Variants in POU2F1 observed in about 807,000 individuals in gnomAD.
POU2F1 encodes POU domain, class 2, transcription factor 1.
Under a neutral mutation model 84.9 loss-of-function variants are expected in POU2F1, and 16 were observed. That is an observed-to-expected ratio of 0.19 (90% CI 0.13 to 0.29). The LOEUF (loss-of-function observed/expected upper bound fraction) is 0.29. Among genes scored for constraint, POU2F1 ranks in the 10% least tolerant of loss-of-function variants. The probability of loss-of-function intolerance (pLI) is 1.00; values close to 1 mark genes in which losing one functional copy is unlikely to be tolerated. For missense variants in POU2F1, 738 were observed against 942.6 expected (o/e 0.78, Z 2.84); for synonymous variants, 368 against 368.3 (o/e 1.00, Z 0.01).
In POU2F1 at chr1:167,396,372, C is replaced by A. The variant is rs756705341; in HGVS notation, c.1074C>A (p.Ser358Arg). ...TISRFEALNL[S>R]FKNMCKLKPL... Reference sequence around the variant, plus strand: ...CTCGATTTGAAGCCTTGAACCTCAGCTTTAAGAACATGTGCAAGTTGAAGC... The same window carrying A: ...CTCGATTTGAAGCCTTGAACCTCAGATTTAAGAACATGTGCAAGTTGAAGC... The change falls in exon 10 of 16, where the codon AGC becomes AGA. Residue 358 changes from serine (S) to arginine (R), a missense_variant. Physicochemically the swap from Ser to Arg is moderately radical, Grantham distance 110. This residue lies in a region of POU2F1 where 95 missense variants were observed against 195.1 expected (regional missense o/e 0.49). Coordinates refer to ENST00000367866, the MANE Select transcript of POU2F1 (RefSeq NM_002697.4). 6.2e-7 allele frequency: 1 copy of A among 1,614,024 alleles called. No homozygotes were observed. Among genetic ancestry groups the A allele is most frequent in the Non-Finnish European group, 8.5e-7 (1 of 1,179,918 alleles).
Position 167,418,057 on chromosome 1 carries a change from A to G in POU2F1, c.*2247A>G, listed in dbSNP as rs1239060544. 6.6e-6 allele frequency: 1 copy of G among 152,002 alleles called. No individual in the cohort carries two copies. Among genetic ancestry groups the G allele is most frequent in the East Asian group, 1.9e-4 (1 of 5,178 alleles). 9.4% of individuals were successfully genotyped at this position (152,002 alleles called of 1,614,324 possible). A position where few individuals can be genotyped will look rare whatever the true frequency, so the allele number is the denominator to read the frequency against. ...CCCTTTTTGTGTGGTGTGTTTTTTT[A>G]TGTTTTGTTTTGTTTTTTAACTAAG... is the stretch of plus-strand genomic sequence containing the variant. On this transcript the variant is annotated 3_prime_UTR_variant, in exon 16 of 16. Coordinates refer to ENST00000367866, the MANE Select transcript of POU2F1 (RefSeq NM_002697.4).
chr1:167,413,224 G>C lies in POU2F1; in HGVS notation c.1990+110G>C, dbSNP rs74815204. Reference sequence around the variant, plus strand: ...GAGATAGAGGAAGTCTGCTTTGCTAGAGGTAAAAGTGATGGGAAAGAGTCA... The same window carrying C: ...GAGATAGAGGAAGTCTGCTTTGCTACAGGTAAAAGTGATGGGAAAGAGTCA... On this transcript the variant is annotated intron_variant, in intron 15 of 15. Coordinates refer to ENST00000367866, the MANE Select transcript of POU2F1 (RefSeq NM_002697.4). 7.8e-4 allele frequency: 757 copies of C among 970,896 alleles called. 1 individual carries two copies. In the African/African-American group the frequency reaches 0.011, roughly 14 times the overall value. The allele number at this position is 970,896 out of a possible 1,614,324, so 60.1% of individuals were successfully genotyped here. A position where few individuals can be genotyped will look rare whatever the true frequency, so the allele number is the denominator to read the frequency against.
rs1225482956 is a variant in POU2F1 at position 167,386,095 on chromosome 1, A to G, written c.813+2144A>G. On this transcript the variant is annotated intron_variant, in intron 8 of 15. Coordinates refer to ENST00000367866, the MANE Select transcript of POU2F1 (RefSeq NM_002697.4). ...AATTTAAAAGGCTATGACAAAACCAAGTGTTGGCAAGAAGGTAAAGCGACT... is the reference window on the plus strand; with the variant it reads ...AATTTAAAAGGCTATGACAAAACCAGGTGTTGGCAAGAAGGTAAAGCGACT... Among the ~76,000 whole-genome samples, 3 of 152,256 alleles carry G rather than the reference A, an allele frequency of 2.0e-5. No homozygotes were observed. The East Asian group carries it at 5.8e-4, about 29-fold the overall frequency.
chr1:167,335,507 A>T (rs1657387740), intron 2 of POU2F1, among the ~76,000 whole-genome samples: 1 of 152,184 alleles, frequency 6.6e-6, no homozygotes, highest in Non-Finnish European at 1.5e-5. Context: ...AACATGAAAA[A>T]GACTACCCCA....
intron 1 of POU2F1, among the ~76,000 whole-genome samples, chr1:167,266,609 G>A (rs968676502): frequency 1.3e-5 from 2 of 151,408 alleles, no homozygotes; most frequent in African/African-American, 4.9e-5. Context: ...GGCACAATTT[G>A]GTAATACTAT....
At chr1:167,229,202 T>G (rs1295304580) in intron 1 of POU2F1, among the ~76,000 whole-genome samples, 1 of 151,908 alleles carries the variant, frequency 6.6e-6, no homozygotes, top group East Asian at 1.9e-4. Context: ...GACAGTGCCA[T>G]GATCAGAGCC....
intron 1 of POU2F1, among the ~76,000 whole-genome samples, chr1:167,289,837 GT>G (rs552648880): frequency 6.6e-6 from 1 of 152,034 alleles, no homozygotes; most frequent in Non-Finnish European, 1.5e-5. Flanking sequence ...CTTTTAGACA[GT>G]TTTTTTGTGA....
intron 8 of POU2F1, among the ~76,000 whole-genome samples, chr1:167,387,887 A>G (rs1178952484): frequency 6.6e-6 from 1 of 152,222 alleles, no homozygotes; most frequent in Non-Finnish European, 1.5e-5. Context: ...ATGGATTTAA[A>G]TAATCAAATA....
At chr1:167,398,868 G>A (rs1648997053) in intron 11 of POU2F1, among the ~76,000 whole-genome samples, 1 of 152,188 alleles carries the variant, frequency 6.6e-6, no homozygotes, top group Non-Finnish European at 1.5e-5. Context: ...TAGATAGCAT[G>A]AAGCATGGAG....
At chr1:167,389,878 G>A (rs1190795669) in intron 9 of POU2F1, 117 bp downstream of exon 9, 27 of 1,194,670 alleles carry the variant, frequency 2.3e-5, no homozygotes, top group South Asian at 4.5e-5. Context: ...TATTTGGGAC[G>A]GGGGACGAAA....
chr1:167,376,141 C>T lies in POU2F1; in HGVS notation c.704C>T (p.Pro235Leu). 1.2e-6 allele frequency: 2 copies of T among 1,614,180 alleles called. No individual in the cohort carries two copies. Among genetic ancestry groups the T allele is most frequent in the Non-Finnish European group, 1.7e-6 (2 of 1,180,030 alleles). ...GCGCAGTTTATCATCTCACAGACGCCCCAGGGCCAGCAGGGTGAGCTCCTC... is the reference window on the plus strand; with the variant it reads ...GCGCAGTTTATCATCTCACAGACGCTCCAGGGCCAGCAGGGTGAGCTCCTC... Reference protein sequence around the residue: ...QPAQFIISQTPQGQQGLLQAQ... With the variant: ...QPAQFIISQTLQGQQGLLQAQ... Residue 235 changes from proline to leucine, a missense_variant, in exon 7 of 16, where the codon CCC becomes CTC. Physicochemically the swap from Pro to Leu is moderately conservative, Grantham distance 98 (BLOSUM62 -3). This residue lies in a region of POU2F1 where 163 missense variants were observed against 214.4 expected (regional missense o/e 0.76). Coordinates refer to ENST00000367866, the MANE Select transcript of POU2F1 (RefSeq NM_002697.4).
rs979377982 is a variant in POU2F1 at position 167,375,480 on chromosome 1, A to G, written c.592-549A>G. Among the ~76,000 whole-genome samples the G allele has an allele frequency of 5.9e-5, 9 of 152,336 alleles. No individual in the cohort carries two copies. In the East Asian group the frequency reaches 1.7e-3, roughly 29 times the overall value. On this transcript the variant is annotated intron_variant, in intron 6 of 15. Transcript: ENST00000367866. ...TAAGGTGCTATTGTTGTTAGGGATT[A>G]AATTTTTATATGGATAGCTATTTTT...
chr1:167,295,078 C>T lies in POU2F1; in HGVS notation c.62-37392C>T, dbSNP rs1359450588. ...CGGAGGTTGCAGTGAGCCGAGATCA[C>T]GCCACTGCACTCCAGCCTCGGTGAT... On this transcript the variant is annotated intron_variant, in intron 1 of 15. Coordinates refer to ENST00000367866, the MANE Select transcript of POU2F1 (RefSeq NM_002697.4). Among the ~76,000 whole-genome samples, 7 of 151,728 alleles carry T rather than the reference C, an allele frequency of 4.6e-5. No individual in the cohort carries two copies. In the East Asian group the frequency reaches 9.7e-4, roughly 21 times the overall value.
At chr1:167,394,505 A>T (rs1648663778) in intron 9 of POU2F1, among the ~76,000 whole-genome samples, 1 of 152,198 alleles carries the variant, frequency 6.6e-6, no homozygotes, top group African/African-American at 2.4e-5. Flanking sequence ...ACTTCAGTAT[A>T]TTCAGAACTG....
intron 2 of POU2F1, among the ~76,000 whole-genome samples, chr1:167,352,553 A>G (rs954560708): frequency 6.6e-6 from 1 of 152,202 alleles, no homozygotes; most frequent in Non-Finnish European, 1.5e-5. Context: ...AAATCGGTGG[A>G]AGGCTCGGAA....
intron 13 of POU2F1, among the ~76,000 whole-genome samples, chr1:167,406,843 TGAAA>T (rs1427740809): frequency 8.6e-5 from 13 of 152,018 alleles, no homozygotes; most frequent in Admixed American, 8.5e-4. Context: ...TACAATTTGC[TGAAA>T]GAAGTTAAAA....
chr1:167,285,765 C>T (rs773006325), intron 1 of POU2F1, among the ~76,000 whole-genome samples: 7 of 151,988 alleles, frequency 4.6e-5, no homozygotes, highest in African/African-American at 9.7e-5. Context: ...TTGTGCAAGG[C>T]GCTGTGGTAG....
intron 5 of POU2F1, among the ~76,000 whole-genome samples, chr1:167,373,643 A>G (rs1660148079): frequency 6.6e-6 from 1 of 152,190 alleles, no homozygotes. Flanking sequence ...CTTTAGTCAT[A>G]TCTTTGGACT....
At position 167,409,081 on chromosome 1, in the gene POU2F1, G is replaced by A. The variant is rs1393160769; in HGVS notation, c.1556-2878G>A. On this transcript the variant is annotated intron_variant, in intron 13 of 15. Transcript: ENST00000367866. Reference sequence around the variant, plus strand: ...TTTTCTTTTATGGATCATTCTCTTGGTGCTGTGTCTGTGAACTCTTTGCTT... The same window carrying A: ...TTTTCTTTTATGGATCATTCTCTTGATGCTGTGTCTGTGAACTCTTTGCTT... Among the ~76,000 whole-genome samples the A allele has an allele frequency of 2.6e-5, 4 of 152,084 alleles. No individual in the cohort carries two copies. The East Asian group carries it at 7.7e-4, about 29-fold the overall frequency.
Sources: gnomAD v4.1 joint callset for allele counts (sites outside exome capture counted in the v4.1 genomes callset) on GRCh38, gnomAD v4.1.1 for gene constraint, gnomAD v4.1.1 regional missense constraint, MANE v1.5 for transcripts, NCBI Gene and HGNC (gene_info 2026-07-23, HGNC 2026-07-21) for gene names.